The following HHIPL2 variants were observed in gnomAD, a reference collection of about 807,000 sequenced individuals.
HHIPL2 encodes the protein HHIP-like protein 2.
A neutral mutation model predicts 61.0 loss-of-function variants in HHIPL2; 61 were observed. That is an observed-to-expected ratio of 1.00 (90% confidence interval 0.81 to 1.24). The LOEUF (loss-of-function observed/expected upper bound fraction) is 1.24. HHIPL2 is among the 50% of genes most tolerant of loss of function. HHIPL2 has a pLI of 0.00. For synonymous variants in HHIPL2, 343 were observed against 357.4 expected, an observed-to-expected ratio of 0.96 and a Z score of 0.45; for missense variants, 885 against 910.2, an observed-to-expected ratio of 0.97 and a Z score of 0.36.
Position 222,522,557 on chromosome 1 carries a change from C to T in HHIPL2, c.*44G>A. ...CAGTGACTTTCATTTGATGAGGTGG[C>T]TCTCCTCTCTCACGTCACCCTGTCG... On this transcript the variant is annotated 3_prime_UTR_variant, in exon 9 of 9. Transcript: ENST00000343410. 3 of 1,554,914 alleles carry T rather than the reference C, an allele frequency of 1.9e-6. No homozygotes were observed. Among genetic ancestry groups the T allele is most frequent in the Admixed American group, 1.7e-5 (1 of 57,430 alleles).
Position 222,542,087 on chromosome 1 carries a change from C to A in HHIPL2, c.1043G>T (p.Gly348Val). 1 of 1,614,030 alleles carries A rather than the reference C, an allele frequency of 6.2e-7. No homozygotes were observed. The highest frequency in any genetic ancestry group is 8.5e-7 in the Non-Finnish European group (1 of 1,179,998). The change falls in exon 3 of 9, where the codon GGC becomes GTC. Residue 348 changes from glycine (G) to valine (V), a missense_variant. Transcript: ENST00000343410. ...NGGQLLFGLD[G>V]YMYIFTGDGG... ...GTCCCCAGTGAATATGTACATATAGCCATCCAGGCCAAAAAGAAGTTGTCC... is the reference window on the plus strand; with the variant it reads ...GTCCCCAGTGAATATGTACATATAGACATCCAGGCCAAAAAGAAGTTGTCC...
At chr1:222,533,306 G>A (rs111798993) in intron 5 of HHIPL2, among the ~76,000 whole-genome samples, 4,846 of 151,426 alleles carry the variant, frequency 0.032, 246 homozygotes, top group African/African-American at 0.11. Flanking sequence ...CAGAGGTTGC[G>A]GTGAGCCGAG....
At chr1:222,533,159 G>A (rs960573260) in intron 5 of HHIPL2, among the ~76,000 whole-genome samples, 1 of 152,116 alleles carries the variant, frequency 6.6e-6, no homozygotes, top group Admixed American at 6.5e-5. Flanking sequence ...GAGGCCAGGG[G>A]TTCGAGACCA....
chr1:222,531,218 T>A (rs1009129196), intron 6 of HHIPL2, among the ~76,000 whole-genome samples: 1 of 152,306 alleles, frequency 6.6e-6, no homozygotes, highest in South Asian at 2.1e-4. Flanking sequence ...CTTGGCAAGG[T>A]CAGGAAAGAA....
intron 7 of HHIPL2, among the ~76,000 whole-genome samples, chr1:222,526,402 G>C (rs1659065420): frequency 6.8e-6 from 1 of 146,506 alleles, no homozygotes; most frequent in Non-Finnish European, 1.5e-5. Flanking sequence ...ATTTCCAGAA[G>C]CATATTAAAA....
intron 1 of HHIPL2, among the ~76,000 whole-genome samples, chr1:222,544,553 G>A (rs772631351): frequency 2.0e-5 from 3 of 151,212 alleles, no homozygotes; most frequent in Admixed American, 1.3e-4. Flanking sequence ...TCATAGAAAC[G>A]GCCTCACCAT....
At chr1:222,540,901 C>G (rs1659417777) in intron 3 of HHIPL2, among the ~76,000 whole-genome samples, 1 of 152,132 alleles carries the variant, frequency 6.6e-6, no homozygotes, top group African/African-American at 2.4e-5. Context: ...AGTAAAGGGT[C>G]TGGGATCTAA....
intron 7 of HHIPL2, among the ~76,000 whole-genome samples, chr1:222,524,458 A>G (rs2102607999): frequency 6.6e-6 from 1 of 152,386 alleles, no homozygotes; most frequent in African/African-American, 2.4e-5. Context: ...CTTAGGCACC[A>G]TTCTAAATAC....
intron 1 of HHIPL2, among the ~76,000 whole-genome samples, chr1:222,546,109 C>T (rs1329726340): frequency 6.7e-6 from 1 of 150,224 alleles, no homozygotes; most frequent in African/African-American, 2.4e-5. Flanking sequence ...GTCTGTCTTA[C>T]GTGCCAGGCA....
intron 7 of HHIPL2, chr1:222,524,401 A>AG (rs1659018841): frequency 1.3e-5 from 2 of 152,336 alleles, no homozygotes; most frequent in Admixed American, 6.5e-5. Flanking sequence ...TCCAGGTGGG[A>AG]GGGAAAAAAA....
chr1:222,537,174 CAT>C (rs1480280179), intron 5 of HHIPL2, among the ~76,000 whole-genome samples: 3 of 152,010 alleles, frequency 2.0e-5, no homozygotes, highest in South Asian at 2.1e-4. Context: ...TAAAAGCCCA[CAT>C]GATTCATCAA....
chr1:222,529,155 C>A (rs183314220), intron 6 of HHIPL2, among the ~76,000 whole-genome samples: 1 of 152,234 alleles, frequency 6.6e-6, no homozygotes, highest in East Asian at 1.9e-4. Context: ...GAACAGAGAC[C>A]AGCGTTTGTC....
At chr1:222,533,691 G>C (rs1659239117) in intron 5 of HHIPL2, among the ~76,000 whole-genome samples, 1 of 152,186 alleles carries the variant, frequency 6.6e-6, no homozygotes, top group African/African-American at 2.4e-5. Flanking sequence ...GGCAATGGAG[G>C]AGTGTGTTCT....
intron 5 of HHIPL2, among the ~76,000 whole-genome samples, chr1:222,532,537 C>T (rs1422856694): frequency 1.3e-5 from 2 of 151,714 alleles, no homozygotes; most frequent in East Asian, 3.9e-4. Flanking sequence ...ATGCTTGAAC[C>T]CAGGACGTGG....
rs772394115 is a variant in HHIPL2, at chr1:222,542,528, CT to C, written c.975-374del. ...GGGATTACCACCCCACCACATCTGG[CT>C]TTTTTTTTTTTTTTTTTTTGAGATG... is the stretch of plus-strand genomic sequence containing the variant. On this transcript the variant is annotated intron_variant, in intron 2 of 8. Transcript: ENST00000343410. Among the ~76,000 whole-genome samples the C allele has an allele frequency of 2.2e-3, 214 of 97,162 alleles. 1 individual carries two copies. The highest frequency in any genetic ancestry group is 4.6e-3 in the African/African-American group (111 of 24,044). The allele number at this position is 97,162 out of a possible 152,430, so 63.7% of individuals were successfully genotyped here.
chr1:222,531,379 A>C (rs577965532), intron 6 of HHIPL2, among the ~76,000 whole-genome samples: 172 of 152,252 alleles, frequency 1.1e-3, no homozygotes, highest in African/African-American at 2.7e-3. Flanking sequence ...CCTCACAGTG[A>C]GTTGTGTGGT....
At chr1:222,542,347 C>T (rs963016191) in intron 2 of HHIPL2, among the ~76,000 whole-genome samples, 192 bp from the exon 3 acceptor site, 3 of 150,762 alleles carry the variant, frequency 2.0e-5, no homozygotes, top group African/African-American at 7.3e-5. Flanking sequence ...CCTGGTATAA[C>T]TCTTTCATGG....
intron 8 of HHIPL2, among the ~76,000 whole-genome samples, 161 bp downstream of exon 8, chr1:222,523,451 C>T (rs1402110400): frequency 6.6e-6 from 1 of 152,086 alleles, no homozygotes; most frequent in African/African-American, 2.4e-5. Flanking sequence ...AATGGGTATC[C>T]TTACACTCAT....
chr1:222,543,791 C>A lies in HHIPL2; in HGVS notation c.720G>T (p.Val240=). Residue 240 remains valine (V), a synonymous_variant, in exon 2 of 9, where the codon GTG becomes GTT. Coordinates refer to ENST00000343410, the MANE Select transcript of HHIPL2 (RefSeq NM_024746.4). The stretch of plus-strand genomic sequence containing the variant: ...TCCCATCAGGGAGGTAGACCCACAC[C>A]ACTCCTACCTGCTCGGCAACAAAGA... ...HRFFVAEQVG[V]VWVYLPDGSR... 1 of 1,614,048 alleles carries A rather than the reference C, an allele frequency of 6.2e-7. No homozygotes were observed. Among genetic ancestry groups the A allele is most frequent in the Non-Finnish European group, 8.5e-7 (1 of 1,180,000 alleles).
Sources: allele counts gnomAD v4.1 joint callset (sites outside exome capture counted in the v4.1 genomes callset), GRCh38; gene constraint gnomAD v4.1.1; transcripts MANE v1.5; gene names NCBI Gene and HGNC (gene_info 2026-07-23, HGNC 2026-07-21).